Variants in PACRGL observed in about 807,000 individuals in gnomAD.
PACRGL encodes the protein parkin coregulated like, also known as PACRG-like protein.
Under a neutral mutation model 34.5 loss-of-function variants are expected in PACRGL, and 38 were observed. The ratio of observed to expected loss-of-function variants is 1.10; its 90% CI spans 0.85 to 1.44. PACRGL has a LOEUF of 1.44. Ranked by LOEUF, PACRGL falls within the 40% of genes most tolerant of loss-of-function variation. PACRGL has a pLI of 0.00. For synonymous variants in PACRGL, 128 were observed against 100.1 expected, an observed-to-expected ratio of 1.28 and a Z score of -1.66; for missense variants, 305 against 281.4, an observed-to-expected ratio of 1.08 and a Z score of -0.60.
rs760859406 is a variant in PACRGL at position 20,713,440 on chromosome 4, G to A, written c.510G>A (p.Ser170=). 65 of 1,613,048 alleles carry A rather than the reference G, an allele frequency of 4.0e-5. No homozygotes were observed. The highest frequency in any genetic ancestry group is 4.9e-5 in the Non-Finnish European group (58 of 1,179,524). The change falls in exon 7 of 9, where the codon TCG becomes TCA. Residue 170 remains serine (S), a synonymous_variant. Coordinates refer to ENST00000503585, the MANE Select transcript of PACRGL (RefSeq NM_001258345.3). ...IPVLKAALVH[S]DDEVFERGLN... Reference sequence around the variant, plus strand: ...ACTAACCAACCTTACAGGTCCATTCGGATGATGAAGTGTTTGAAAGAGGAT... The same window carrying A: ...ACTAACCAACCTTACAGGTCCATTCAGATGATGAAGTGTTTGAAAGAGGAT...
At position 20,713,486 on chromosome 4, in the gene PACRGL, A is replaced by C. The variant is rs758034457; in HGVS notation, c.556A>C (p.Ser186Arg). 3 of 1,613,612 alleles carry C rather than the reference A, an allele frequency of 1.9e-6. No individual in the cohort carries two copies. The African/African-American group carries it at 4.0e-5, about 22-fold the overall frequency. ...AGGATTGAATGCTCTAGTTCAGCTA[A>C]GTGTCGTTGTTGGTCCTTCTCTAAA... ...ERGLNALVQL[S>R]VVVGPSLNDH... The change falls in exon 7 of 9, where the codon AGT becomes CGT. Residue 186 changes from serine to arginine, a missense_variant. Physicochemically the swap from Ser to Arg is moderately radical, Grantham distance 110 (BLOSUM62 -1). Coordinates refer to ENST00000503585, the MANE Select transcript of PACRGL (RefSeq NM_001258345.3).
downstream of PACRGL, among the ~76,000 whole-genome samples, chr4:20,757,254 C>A (rs1383981873): frequency 6.6e-6 from 1 of 152,120 alleles, no homozygotes. Context: ...CCCCACTTCT[C>A]ATTTTCTCCT....
downstream of PACRGL, among the ~76,000 whole-genome samples, chr4:20,737,179 A>T (rs1300154240): frequency 2.0e-5 from 3 of 152,212 alleles, no homozygotes; most frequent in Non-Finnish European, 2.9e-5. Flanking sequence ...AGCCACAAGG[A>T]ATTCCAATAT....
intron 7 of PACRGL, among the ~76,000 whole-genome samples, chr4:20,720,016 G>A (rs1157994864): frequency 3.3e-5 from 5 of 152,176 alleles, no homozygotes; most frequent in Non-Finnish European, 4.4e-5. Flanking sequence ...GGGTGCTCCT[G>A]TATTGGGTGC....
At chr4:20,748,489 T>C (rs1578506262) in intron 8 of PACRGL, among the ~76,000 whole-genome samples, 1 of 150,376 alleles carries the variant, frequency 6.6e-6, no homozygotes. Context: ...ATCAGAGCTC[T>C]CATCAAAATT....
downstream of PACRGL, among the ~76,000 whole-genome samples, chr4:20,754,330 C>T (rs1754139265): frequency 6.6e-6 from 1 of 152,160 alleles, no homozygotes; most frequent in South Asian, 2.1e-4. Flanking sequence ...AGACAAAGCA[C>T]TTTCCTGGAG....
chr4:20,744,666 T>C (rs568390761), intron 8 of PACRGL, among the ~76,000 whole-genome samples: 1 of 152,226 alleles, frequency 6.6e-6, no homozygotes, highest in Admixed American at 6.5e-5. Context: ...ATAAATAATG[T>C]AAATGACGTG....
At chr4:20,727,054 T>C (rs1746007963) in intron 8 of PACRGL, among the ~76,000 whole-genome samples, 1 of 152,182 alleles carries the variant, frequency 6.6e-6, no homozygotes, top group African/African-American at 2.4e-5. Flanking sequence ...TGAATTCAGA[T>C]ACTGGTAGTC....
At chr4:20,743,577 C>A (rs1432854167) in intron 8 of PACRGL, among the ~76,000 whole-genome samples, 3 of 152,116 alleles carry the variant, frequency 2.0e-5, no homozygotes, top group Non-Finnish European at 4.4e-5. Flanking sequence ...ATGTAGAAAG[C>A]TGAAACTGGA....
At chr4:20,763,259 A>G in the PACRGL span, among the ~76,000 whole-genome samples, 4 of 152,138 alleles carry the variant, frequency 2.6e-5, no homozygotes, top group African/African-American at 9.7e-5. Flanking sequence ...ATTTTACAGT[A>G]TTTTGCTTTT....
At chr4:20,738,816 G>C (rs1330982523) in intron 8 of PACRGL, among the ~76,000 whole-genome samples, 1 of 152,172 alleles carries the variant, frequency 6.6e-6, no homozygotes, top group Non-Finnish European at 1.5e-5. Context: ...AAGCGCAAGG[G>C]GTTGGGGAAT....
Position 20,709,758 on chromosome 4 carries a change from T to C in PACRGL, c.351T>C (p.Leu117=). Reference sequence around the variant, plus strand: ...AAAGTCTTTCATTTGATCCACTTCTTATTACTTTAGCTGAGGTAAATATGC... The same window carrying C: ...AAAGTCTTTCATTTGATCCACTTCTCATTACTTTAGCTGAGGTAAATATGC... ...PPESLSFDPL[L]ITLAEGLRET... Residue 117 remains leucine (L), a synonymous_variant, in exon 5 of 9, where the codon CTT becomes CTC. Coordinates refer to ENST00000503585, the MANE Select transcript of PACRGL (RefSeq NM_001258345.3). The C allele has an allele frequency of 6.2e-7, 1 of 1,602,372 alleles. No homozygotes were observed. The highest frequency in any genetic ancestry group is 1.3e-5 in the African/African-American group (1 of 74,776).
At chr4:20,746,331 A>G (rs1752413675) in intron 8 of PACRGL, among the ~76,000 whole-genome samples, 1 of 151,746 alleles carries the variant, frequency 6.6e-6, no homozygotes, top group South Asian at 2.1e-4. Flanking sequence ...ATGAGAACAC[A>G]CGGACATAGG....
intron 6 of PACRGL, 178 bp downstream of exon 6, chr4:20,713,100 A>G (rs980928125): frequency 4.9e-6 from 3 of 611,056 alleles, no homozygotes; most frequent in African/African-American, 3.7e-5. Context: ...AGATAACTAC[A>G]TACTTGAAGA....
At chr4:20,726,484 G>T (rs1464939749) in intron 8 of PACRGL, among the ~76,000 whole-genome samples, 1 of 152,082 alleles carries the variant, frequency 6.6e-6, no homozygotes, top group East Asian at 1.9e-4. Flanking sequence ...ACATACCAAA[G>T]ACTTTCTCTT....
chr4:20,729,990 C>CTGAGCAATCTATG lies in PACRGL; in HGVS notation c.*2650_*2662dup. On this transcript the variant is annotated 3_prime_UTR_variant, in exon 9 of 9. Transcript: ENST00000503585. ...TTGCATAATATGCTTCAGTGTCAAG[C>CTGAGCAATCTATG]TGAGCAATCTATGCTAAAAGTGGTA... 2 of 1,417,252 alleles carry CTGAGCAATCTATG rather than the reference C, an allele frequency of 1.4e-6. No homozygotes were observed. Among genetic ancestry groups the CTGAGCAATCTATG allele is most frequent in the Middle Eastern group, 3.9e-4 (2 of 5,102 alleles). The allele number at this position is 1,417,252 out of a possible 1,614,324, so 87.8% of individuals were successfully genotyped here.
rs938557044 is a variant in PACRGL, at chr4:20,728,958, C to A, written c.*1617C>A. On this transcript the variant is annotated 3_prime_UTR_variant, in exon 9 of 9. Transcript: ENST00000503585. ...CTGAATTATGATGAGCTAAATCATA[C>A]TGTAATCTGGATTAGTTGTTGAGCA... 4 of 152,180 alleles carry A rather than the reference C, an allele frequency of 2.6e-5. No individual in the cohort carries two copies. Among genetic ancestry groups the A allele is most frequent in the African/African-American group, 9.7e-5 (4 of 41,436 alleles). 9.4% of individuals were successfully genotyped at this position (152,180 alleles called of 1,614,324 possible).
At chr4:20,716,241 C>A in intron 7 of PACRGL, 1 of 813,234 alleles carries the variant, frequency 1.2e-6, no homozygotes, top group South Asian at 1.5e-5. Flanking sequence ...AGATTAAAAT[C>A]AGCAAAGGTA....
intron 7 of PACRGL, among the ~76,000 whole-genome samples, chr4:20,714,046 G>A (rs1578205076): frequency 6.6e-6 from 1 of 151,958 alleles, no homozygotes; most frequent in African/African-American, 2.4e-5. Context: ...CAATTCCTGG[G>A]TATCCTTGTT....
Sources: allele counts gnomAD v4.1 joint callset (sites outside exome capture counted in the v4.1 genomes callset), GRCh38; gene constraint gnomAD v4.1.1; transcripts MANE v1.5; gene names NCBI Gene and HGNC (gene_info 2026-07-23, HGNC 2026-07-21).